Variants in C10orf90 observed in about 807,000 individuals in gnomAD.
The protein encoded by C10orf90 is (E2-independent) E3 ubiquitin-conjugating enzyme FATS.
A neutral mutation model predicts 62.5 loss-of-function variants in C10orf90; 56 were observed. The observed-to-expected ratio is 0.90, with a 90% CI of 0.72 to 1.12. The LOEUF (loss-of-function observed/expected upper bound fraction) is 1.12. Ranked by LOEUF, C10orf90 falls within the 50% of genes most tolerant of loss-of-function variation. The pLI is 0.00. For missense variants in C10orf90, 970 were observed against 880.4 expected (o/e 1.10, Z -1.29); for synonymous variants, 386 against 340.4 (o/e 1.13, Z -1.47).
At chr10:126,550,809 C>T (rs1304875894) in intron 2 of C10orf90, among the ~76,000 whole-genome samples, 2 of 152,174 alleles carry the variant, frequency 1.3e-5, no homozygotes, top group Admixed American at 6.5e-5. Flanking sequence ...CGTGCCTGAC[C>T]TCTTTCTGTA....
chr10:126,496,995 G>A (rs1248577420), intron 4 of C10orf90, among the ~76,000 whole-genome samples: 16 of 152,320 alleles, frequency 1.1e-4, no homozygotes, highest in African/African-American at 3.8e-4. Flanking sequence ...TTAAAAGGCT[G>A]CTACCTGCAT....
At chr10:126,545,547 A>T (rs762081293) in intron 2 of C10orf90, among the ~76,000 whole-genome samples, 2 of 152,190 alleles carry the variant, frequency 1.3e-5, no homozygotes, top group African/African-American at 2.4e-5. Flanking sequence ...GTTGCCTACC[A>T]TCCCAAGATG....
At chr10:126,587,380 T>C (rs1844894471) in intron 2 of C10orf90, among the ~76,000 whole-genome samples, 1 of 152,218 alleles carries the variant, frequency 6.6e-6, no homozygotes, top group Non-Finnish European at 1.5e-5. Flanking sequence ...GCTGGAGGTC[T>C]GAGGTCAGGG....
chr10:126,546,494 T>TA (rs2133972615), intron 2 of C10orf90, among the ~76,000 whole-genome samples: 1 of 152,254 alleles, frequency 6.6e-6, no homozygotes, highest in South Asian at 2.1e-4. Flanking sequence ...TTTGGACTCT[T>TA]ACCACCCACC....
intron 4 of C10orf90, among the ~76,000 whole-genome samples, chr10:126,485,206 A>G (rs1205113954): frequency 2.6e-5 from 4 of 152,232 alleles, no homozygotes; most frequent in Non-Finnish European, 5.9e-5. Flanking sequence ...AGGACACGAC[A>G]AAAACTCAAC....
intron 2 of C10orf90, among the ~76,000 whole-genome samples, chr10:126,532,166 T>C (rs1041170788): frequency 1.8e-4 from 28 of 152,280 alleles, no homozygotes; most frequent in African/African-American, 5.8e-4. Context: ...CAGGGCTAAG[T>C]CTGGTTTTCT....
intron 1 of C10orf90, among the ~76,000 whole-genome samples, chr10:126,648,959 C>T (rs886789597): frequency 6.6e-6 from 1 of 151,766 alleles, no homozygotes; most frequent in African/African-American, 2.4e-5. Flanking sequence ...AGAGCCCCAG[C>T]CTTGCCATTA....
At chr10:126,657,298 A>G (rs1335260291) in intron 1 of C10orf90, among the ~76,000 whole-genome samples, 1 of 152,212 alleles carries the variant, frequency 6.6e-6, no homozygotes, top group Admixed American at 6.5e-5. Flanking sequence ...TGTACTTATT[A>G]AATGATAATT....
chr10:126,656,878 T>G (rs1193796274), intron 1 of C10orf90, among the ~76,000 whole-genome samples: 2 of 152,234 alleles, frequency 1.3e-5, no homozygotes, highest in East Asian at 3.8e-4. Context: ...ACAAATATAT[T>G]GTGAATAAGC....
intron 4 of C10orf90, among the ~76,000 whole-genome samples, chr10:126,489,997 T>TATAA (rs1340494357): frequency 1.0e-5 from 1 of 95,768 alleles, no homozygotes; most frequent in Admixed American, 1.5e-4. Context: ...ATAATATATA[T>TATAA]TATATATTAT....
chr10:126,583,290 A>G (rs1439006486), intron 2 of C10orf90, among the ~76,000 whole-genome samples: 2 of 152,226 alleles, frequency 1.3e-5, no homozygotes, highest in Non-Finnish European at 2.9e-5. Flanking sequence ...ATTAAATCTC[A>G]ATGTAATAAT....
intron 2 of C10orf90, among the ~76,000 whole-genome samples, chr10:126,529,622 T>C (rs1185392405): frequency 6.6e-6 from 1 of 152,102 alleles, no homozygotes; most frequent in Non-Finnish European, 1.5e-5. Context: ...GAAAAGATAT[T>C]CAACCTCATT....
intron 2 of C10orf90, among the ~76,000 whole-genome samples, chr10:126,525,451 C>T (rs968557285): frequency 2.0e-5 from 3 of 152,196 alleles, no homozygotes; most frequent in African/African-American, 4.8e-5. Context: ...TCTTGTCTCT[C>T]ATCTGTTCAG....
chr10:126,506,785 C>T (rs1475358190), intron 3 of C10orf90, among the ~76,000 whole-genome samples: 1 of 152,078 alleles, frequency 6.6e-6, no homozygotes, highest in Admixed American at 6.6e-5. Context: ...TTGCTCATTC[C>T]AAGATGTGAC....
chr10:126,462,034 C>T lies in C10orf90; in HGVS notation c.1826-449G>A, dbSNP rs139419050. Among the ~76,000 whole-genome samples the T allele has an allele frequency of 4.8e-3, 729 of 152,224 alleles. 8 individuals are homozygous for T. The highest frequency in any genetic ancestry group is 0.016 in the African/African-American group (668 of 41,528). ...AGCCCTCCCCTGCACTTGCTGGAGA[C>T]GACCACTGGCTTTGCATAAGTAATT... On this transcript the variant is annotated intron_variant, in intron 5 of 9. Coordinates refer to ENST00000488181, the MANE Select transcript of C10orf90 (RefSeq NM_001350921.2).
At chr10:126,552,393 G>A (rs1354129599) in intron 2 of C10orf90, among the ~76,000 whole-genome samples, 2 of 152,152 alleles carry the variant, frequency 1.3e-5, no homozygotes, top group Admixed American at 1.3e-4. Context: ...AAATCCAGTC[G>A]CAGAACAGAA....
intron 2 of C10orf90, among the ~76,000 whole-genome samples, chr10:126,620,182 C>T (rs1845618602): frequency 6.6e-6 from 1 of 152,068 alleles, no homozygotes; most frequent in African/African-American, 2.4e-5. Flanking sequence ...TATGTTTTTC[C>T]CATTCCACAA....
At chr10:126,639,600 C>A (rs1156444001) in intron 2 of C10orf90, among the ~76,000 whole-genome samples, 1 of 152,172 alleles carries the variant, frequency 6.6e-6, no homozygotes, top group Non-Finnish European at 1.5e-5. Context: ...ACATGTCCAC[C>A]CCGATGTCTG....
chr10:126,425,525 C>T lies in C10orf90; in HGVS notation c.*339G>A. 1 of 318,076 alleles carries T rather than the reference C, an allele frequency of 3.1e-6. No homozygotes were observed. The highest frequency in any genetic ancestry group is 5.7e-6 in the Non-Finnish European group (1 of 175,140). The allele number at this position is 318,076 out of a possible 1,614,324, so 19.7% of individuals were successfully genotyped here. A position where few individuals can be genotyped will look rare whatever the true frequency, so the allele number is the denominator to read the frequency against. ...TTCCCCAGGGATGTAAACAAACTTG[C>T]TTGTATCAGGCCTCTCTGATGGGCA... On this transcript the variant is annotated 3_prime_UTR_variant, in exon 10 of 10. Coordinates refer to ENST00000488181, the MANE Select transcript of C10orf90 (RefSeq NM_001350921.2).
Sources: allele counts gnomAD v4.1 joint callset (sites outside exome capture counted in the v4.1 genomes callset), GRCh38; gene constraint gnomAD v4.1.1; transcripts MANE v1.5; gene names NCBI Gene and HGNC (gene_info 2026-07-23, HGNC 2026-07-21).